DPP10: variants seen among roughly 807,000 people sequenced by gnomAD.
DPP10 encodes inactive dipeptidyl peptidase 10.
DPP10 carries 33 observed loss-of-function variants against 120.9 expected under a neutral mutation model. That is an observed-to-expected ratio of 0.27 (90% CI 0.21 to 0.37). DPP10 has a LOEUF of 0.37. Among genes scored for constraint, DPP10 ranks in the 10% least tolerant of loss-of-function variants. The pLI is 1.00. For missense variants in DPP10, 816 were observed against 942.8 expected, an observed-to-expected ratio of 0.87 and a Z score of 1.76; for synonymous variants, 337 against 326.1, an observed-to-expected ratio of 1.03 and a Z score of -0.36.
intron 1 of DPP10, among the ~76,000 whole-genome samples, chr2:114,554,939 C>A (rs1193978460): frequency 6.6e-6 from 1 of 152,146 alleles, no homozygotes; most frequent in African/African-American, 2.4e-5. Flanking sequence ...GGGGAAGAGC[C>A]AGGAGCACAA....
rs575316825 is a variant in DPP10 at position 115,322,932 on chromosome 2, A to T, written c.175+13579A>T. ...TTCTGCAAATCATAATCTTTTTGTC[A>T]GTAGAGGGTCTTTCCTTGATGTTGA... is the stretch of plus-strand genomic sequence containing the variant. On this transcript the variant is annotated intron_variant, in intron 2 of 25. Transcript: ENST00000410059. Among the ~76,000 whole-genome samples, 3 of 152,330 alleles carry T rather than the reference A, an allele frequency of 2.0e-5. No individual in the cohort carries two copies. The South Asian group carries it at 6.2e-4, about 32-fold the overall frequency.
chr2:115,064,561 C>G, intron 1 of DPP10: 1 of 962,818 alleles, frequency 1.0e-6, no homozygotes, highest in African/African-American at 1.7e-5. Flanking sequence ...GCCCCACCAC[C>G]CACCCCTACA....
intron 1 of DPP10, chr2:115,162,325 GGAGA>G: frequency 6.8e-7 from 1 of 1,467,864 alleles, no homozygotes; most frequent in Non-Finnish European, 9.0e-7. Flanking sequence ...ACCGAGGGAG[GGAGA>G]GGCGGCCGGG....
Position 115,564,325 on chromosome 2 carries a change from A to T in DPP10, c.441+38353A>T, listed in dbSNP as rs181507622. On this transcript the variant is annotated intron_variant, in intron 5 of 25. Transcript: ENST00000410059. ...TGCATCCTACTTGCTCAGGTAAAAA[A>T]GTAAGACACTAAAACTTGTTTAAAG... Among the ~76,000 whole-genome samples the T allele has an allele frequency of 2.6e-5, 4 of 151,950 alleles. No individual in the cohort carries two copies. The East Asian group carries it at 7.8e-4, about 29-fold the overall frequency.
At chr2:115,568,513 A>G (rs893411946) in intron 5 of DPP10, among the ~76,000 whole-genome samples, 2 of 151,370 alleles carry the variant, frequency 1.3e-5, no homozygotes, top group South Asian at 2.1e-4. Context: ...ATATCTCAGT[A>G]TATTTTAATT....
chr2:115,274,797 C>A (rs1347083296), intron 1 of DPP10, among the ~76,000 whole-genome samples: 1 of 152,180 alleles, frequency 6.6e-6, no homozygotes, highest in Admixed American at 6.5e-5. Context: ...ACTTAATAAG[C>A]ACATAATTGG....
chr2:114,714,159 G>A (rs900022767), intron 1 of DPP10, among the ~76,000 whole-genome samples: 1 of 151,606 alleles, frequency 6.6e-6, no homozygotes, highest in African/African-American at 2.4e-5. Flanking sequence ...GAAGGTTGAG[G>A]TGTAGTGATG....
intron 5 of DPP10, among the ~76,000 whole-genome samples, chr2:115,553,140 C>G (rs149020241): frequency 6.6e-6 from 1 of 152,050 alleles, no homozygotes. Flanking sequence ...TACACTCTTG[C>G]ATTATTCATG....
intron 1 of DPP10, among the ~76,000 whole-genome samples, chr2:114,737,649 G>C (rs1262814337): frequency 6.6e-6 from 1 of 152,152 alleles, no homozygotes; most frequent in African/African-American, 2.4e-5. Context: ...GAGTCACATG[G>C]TGATCTGAAA....
Position 115,062,675 on chromosome 2 carries a change from A to T in DPP10, c.61-246564A>T, listed in dbSNP as rs546304422. On this transcript the variant is annotated intron_variant, in intron 1 of 25. Transcript: ENST00000410059. Reference sequence around the variant, plus strand: ...CTGTTCCTGTGCTAGTTTGCTGAGGATAATGGCTTCCAGCTCCATCCATGT... The same window carrying T: ...CTGTTCCTGTGCTAGTTTGCTGAGGTTAATGGCTTCCAGCTCCATCCATGT... Among the ~76,000 whole-genome samples the T allele has an allele frequency of 9.7e-4, 148 of 152,288 alleles. 1 individual carries two copies. In the Middle Eastern group the frequency reaches 0.02, roughly 21 times the overall value.
intron 8 of DPP10, among the ~76,000 whole-genome samples, chr2:115,737,921 G>T (rs1212792220): frequency 6.6e-6 from 1 of 152,090 alleles, no homozygotes; most frequent in Non-Finnish European, 1.5e-5. Context: ...CTACCTCTAT[G>T]CAGAGGAGTT....
intron 1 of DPP10, among the ~76,000 whole-genome samples, chr2:114,575,910 C>G (rs1306294376): frequency 6.6e-6 from 1 of 152,002 alleles, no homozygotes; most frequent in Non-Finnish European, 1.5e-5. Context: ...AGACAATAAA[C>G]TTAAAGGTGA....
chr2:114,989,912 TATTAGTCTATTC>T, intron 1 of DPP10, among the ~76,000 whole-genome samples: 1 of 152,332 alleles, frequency 6.6e-6, no homozygotes, highest in East Asian at 1.9e-4. Flanking sequence ...GAGCAGAGTT[TATTAGTCTATTC>T]ATTCCTAGTA....
chr2:115,189,678 ACTT>A (rs2054724813), intron 1 of DPP10, among the ~76,000 whole-genome samples: 1 of 152,106 alleles, frequency 6.6e-6, no homozygotes, highest in Non-Finnish European at 1.5e-5. Context: ...AAAAGAAAAA[ACTT>A]CTCTGAATAA....
chr2:115,769,034 T>TA (rs1045948142), intron 13 of DPP10, among the ~76,000 whole-genome samples: 11 of 152,116 alleles, frequency 7.2e-5, no homozygotes, highest in South Asian at 2.1e-4. Context: ...AGTTTTATTA[T>TA]AAAAAAATTA....
chr2:114,981,537 TG>T (rs933159518), intron 1 of DPP10, among the ~76,000 whole-genome samples: 2 of 152,200 alleles, frequency 1.3e-5, no homozygotes, highest in Non-Finnish European at 2.9e-5. Flanking sequence ...AGTCTACTAC[TG>T]GGAATTCGGA....
chr2:115,177,290 C>T (rs1045747376), intron 1 of DPP10, among the ~76,000 whole-genome samples: 3 of 152,128 alleles, frequency 2.0e-5, no homozygotes, highest in African/African-American at 4.8e-5. Flanking sequence ...TGAACTTGAA[C>T]GACAAATTGG....
intron 1 of DPP10, among the ~76,000 whole-genome samples, chr2:115,042,296 T>C (rs1200311325): frequency 6.6e-6 from 1 of 152,252 alleles, no homozygotes; most frequent in East Asian, 1.9e-4. Flanking sequence ...TGACAGGGCC[T>C]CACTGTGTTG....
chr2:115,223,757 A>T (rs2057296902), intron 1 of DPP10, among the ~76,000 whole-genome samples: 1 of 152,242 alleles, frequency 6.6e-6, no homozygotes, highest in African/African-American at 2.4e-5. Context: ...ACTGAAGGGG[A>T]AAGTTGGAAT....
Sources: gnomAD v4.1 joint callset for allele counts (sites outside exome capture counted in the v4.1 genomes callset) on GRCh38, gnomAD v4.1.1 for gene constraint, MANE v1.5 for transcripts, NCBI Gene and HGNC (gene_info 2026-07-23, HGNC 2026-07-21) for gene names.